The following ADGRL1 variants were observed in gnomAD, a reference collection of about 807,000 sequenced individuals.
The protein encoded by ADGRL1 is adhesion G protein-coupled receptor L1.
Under a neutral mutation model 148.9 loss-of-function variants are expected in ADGRL1, and 31 were observed. The observed-to-expected ratio is 0.21, with a 90% CI of 0.16 to 0.28. The LOEUF (loss-of-function observed/expected upper bound fraction) is 0.28. Ranked by LOEUF, ADGRL1 falls within the 10% of genes least tolerant of loss-of-function variation. ADGRL1 has a pLI of 1.00. For synonymous variants in ADGRL1, 937 were observed against 900.3 expected (o/e 1.04, Z -0.73); for missense variants, 1,521 against 2,058.8 (o/e 0.74, Z 5.05).
At position 14,159,062 on chromosome 19, in the gene ADGRL1, C is replaced by T. The variant is rs765501059; in HGVS notation, c.2149+28G>A. The T allele has an allele frequency of 2.0e-5, 32 of 1,612,044 alleles. No individual in the cohort carries two copies. In the South Asian group the frequency reaches 3.3e-4, roughly 17 times the overall value. ...GGGGGTGGGGGTGGGGCTGCTTCCC[C>T]ACCCGAGGCCCCGCCGGGGACACTG... is the stretch of plus-strand genomic sequence containing the variant. On this transcript the variant is annotated intron_variant, in intron 11 of 22. Transcript: ENST00000361434. This position sits in a 1 kb window ranked among gnomAD's most constrained non-coding sequence, Gnocchi z 6.0.
chr19:14,150,494 C>A lies in ADGRL1; in HGVS notation c.*379G>T. 1 of 203,098 alleles carries A rather than the reference C, an allele frequency of 4.9e-6. No individual in the cohort carries two copies. The highest frequency in any genetic ancestry group is 5.3e-5 in the Admixed American group (1 of 18,724). 12.6% of individuals were successfully genotyped at this position (203,098 alleles called of 1,614,324 possible). A position where few individuals can be genotyped will look rare whatever the true frequency, so the allele number is the denominator to read the frequency against. On this transcript the variant is annotated 3_prime_UTR_variant, in exon 23 of 23. Transcript: ENST00000361434. ...GGGCCTTTGGCAACCTCAGAAGCTG[C>A]CCCTCCCTGCCCAGGAAACTAAAGC...
chr19:14,158,260 A>G (rs1399852531), intron 12 of ADGRL1, 78 bp downstream of exon 12: 2 of 1,449,456 alleles, frequency 1.4e-6, no homozygotes, highest in East Asian at 2.3e-5. Flanking sequence ...AGGTGAGCAC[A>G]TGGAGGGGCA....
At chr19:14,197,756 C>T (rs34167867) in intron 1 of ADGRL1, among the ~76,000 whole-genome samples, 24,452 of 152,162 alleles carry the variant, frequency 0.16, 2,413 homozygotes, top group Non-Finnish European at 0.22. Flanking sequence ...GGGACTCTGA[C>T]GGGAAAGTAC....
chr19:14,165,379 G>A (rs142357053), intron 4 of ADGRL1, among the ~76,000 whole-genome samples: 71 of 152,340 alleles, frequency 4.7e-4, no homozygotes, highest in African/African-American at 6.5e-4. Flanking sequence ...GGCATCTGAG[G>A]GGACGTGTTT....
At chr19:14,167,301 G>A (rs1024267013) in intron 4 of ADGRL1, among the ~76,000 whole-genome samples, 1 of 151,918 alleles carries the variant, frequency 6.6e-6, no homozygotes, top group Non-Finnish European at 1.5e-5. Context: ...ACACAGGAGG[G>A]AGAAGACACA....
intron 2 of ADGRL1, among the ~76,000 whole-genome samples, chr19:14,181,797 G>A (rs567032843): frequency 6.6e-6 from 1 of 152,246 alleles, no homozygotes; most frequent in Non-Finnish European, 1.5e-5. Flanking sequence ...TCTGTAAAAT[G>A]AGCACCTACA....
At position 14,183,610 on chromosome 19, in the gene ADGRL1, G is replaced by A. The variant is rs1190657294; in HGVS notation, c.-8C>T. On this transcript the variant is annotated 5_prime_UTR_variant, in exon 2 of 23. Coordinates refer to ENST00000361434, the MANE Select transcript of ADGRL1 (RefSeq NM_014921.5). ...TGCGGCTAGGCGGGCCATGGTGGCAGCCGGGTGCGTGTCCGGAGCTCTCAG... is the reference window on the plus strand; with the variant it reads ...TGCGGCTAGGCGGGCCATGGTGGCAACCGGGTGCGTGTCCGGAGCTCTCAG... 6.4e-7 allele frequency: 1 copy of A among 1,568,106 alleles called. No homozygotes were observed. Among genetic ancestry groups the A allele is most frequent in the Non-Finnish European group, 8.6e-7 (1 of 1,156,146 alleles).
chr19:14,191,808 G>A (rs1457083872), intron 1 of ADGRL1, among the ~76,000 whole-genome samples: 3 of 151,334 alleles, frequency 2.0e-5, no homozygotes, highest in South Asian at 2.1e-4. Context: ...GGATCCTCCC[G>A]CCTCAGCCTC....
Position 14,152,467 on chromosome 19 carries a change from G to T in ADGRL1, c.3521-30C>A. 2 of 1,608,778 alleles carry T rather than the reference G, an allele frequency of 1.2e-6. No individual in the cohort carries two copies. The highest frequency in any genetic ancestry group is 1.1e-5 in the South Asian group (1 of 90,858). ...CCAAAGGATCAGAGGTCACAAGGCA[G>T]CCGGGAGCCTCCAGAGACTGAAGCC... On this transcript the variant is annotated intron_variant, in intron 20 of 22. Transcript: ENST00000361434. The surrounding 1 kb of genome is among the most constrained non-coding windows in gnomAD (Gnocchi z 6.1).
intron 3 of ADGRL1, among the ~76,000 whole-genome samples, chr19:14,173,353 C>T (rs1186751599): frequency 6.6e-6 from 1 of 152,090 alleles, no homozygotes; most frequent in Non-Finnish European, 1.5e-5. Context: ...GTCTCGACTT[C>T]CCGAAGTGCT....
intron 1 of ADGRL1, among the ~76,000 whole-genome samples, chr19:14,190,671 G>A (rs1274744799): frequency 3.9e-5 from 6 of 152,184 alleles, no homozygotes; most frequent in African/African-American, 9.7e-5. Context: ...CTGCTTCTAC[G>A]AGTTCAATTC....
intron 2 of ADGRL1, among the ~76,000 whole-genome samples, chr19:14,178,146 G>C (rs1317234664): frequency 1.3e-5 from 2 of 152,136 alleles, no homozygotes; most frequent in East Asian, 1.9e-4. Context: ...GGTCTTTATA[G>C]AGATAAATTC....
Position 14,161,156 on chromosome 19 carries a change from T to C in ADGRL1, c.1510+156A>G, listed in dbSNP as rs1223674548. 6.6e-6 allele frequency among the ~76,000 whole-genome samples: 1 copy of C among 152,198 alleles called. No homozygotes were observed. The highest frequency in any genetic ancestry group is 1.5e-5 in the Non-Finnish European group (1 of 68,022). On this transcript the variant is annotated intron_variant, in intron 6 of 22. Transcript: ENST00000361434. This position sits in a 1 kb window ranked among gnomAD's most constrained non-coding sequence, Gnocchi z 4.4. Reference sequence around the variant, plus strand: ...GGTGGGGCCAGGGGCACTGAGTGGCTCCTGTGCCCTGAGAGCTCTGCTGGT... The same window carrying C: ...GGTGGGGCCAGGGGCACTGAGTGGCCCCTGTGCCCTGAGAGCTCTGCTGGT...
In ADGRL1 at chr19:14,152,544, T is replaced by C; in HGVS notation, c.3493A>G (p.Ile1165Val). 1 of 1,614,074 alleles carries C rather than the reference T, an allele frequency of 6.2e-7. No homozygotes were observed. Among genetic ancestry groups the C allele is most frequent in the Non-Finnish European group, 8.5e-7 (1 of 1,179,960 alleles). ...QTESSFMAGD[I>V]NSTPTLNRGT... ...CGGTTCAGGGTGGGGGTGCTGTTGATGTCACCCGCCATGAAGGAGGACTCC... is the reference window on the plus strand; with the variant it reads ...CGGTTCAGGGTGGGGGTGCTGTTGACGTCACCCGCCATGAAGGAGGACTCC... Residue 1165 changes from isoleucine (I) to valine (V), a missense_variant, in exon 20 of 23, where the codon ATC (isoleucine) becomes GTC (valine). Ile to Val is a conservative substitution (Grantham distance 29). This residue lies in a region of ADGRL1 where 47 missense variants were observed against 64.6 expected (regional missense o/e 0.73). Coordinates refer to ENST00000361434, the MANE Select transcript of ADGRL1 (RefSeq NM_014921.5). The surrounding 1 kb of genome is among the most constrained non-coding windows in gnomAD (Gnocchi z 6.1).
rs759663693 is a variant in ADGRL1, at chr19:14,150,948, G to C, written c.4335C>G (p.Gly1445=). The C allele has an allele frequency of 9.3e-6, 15 of 1,609,572 alleles. No homozygotes were observed. The highest frequency in any genetic ancestry group is 1.3e-5 in the Non-Finnish European group (15 of 1,178,848). Residue 1445 remains glycine (G), a synonymous_variant, in exon 23 of 23, where the codon GGC becomes GGG. Transcript: ENST00000361434. ...YYQVRRPSHE[G]YLAAPGLEGP... ...CCTCAAGGCCTGGGGCTGCCAGGTA[G>C]CCCTCGTGGCTAGGACGCCGCACCT...
chr19:14,174,217 G>A (rs1004641328), intron 3 of ADGRL1, among the ~76,000 whole-genome samples: 1 of 152,008 alleles, frequency 6.6e-6, no homozygotes, highest in African/African-American at 2.4e-5. Flanking sequence ...AAGTCAGCAG[G>A]GAGAATTTGG....
intron 3 of ADGRL1, among the ~76,000 whole-genome samples, chr19:14,175,607 G>A (rs1970770796): frequency 6.7e-6 from 1 of 149,676 alleles, no homozygotes; most frequent in South Asian, 2.2e-4. Context: ...CACTCATACA[G>A]ACACACTCAG....
intron 4 of ADGRL1, chr19:14,169,243 C>G (rs989384582): frequency 6.6e-6 from 1 of 152,256 alleles, no homozygotes; most frequent in Non-Finnish European, 1.5e-5. Flanking sequence ...ACTTTGTGGC[C>G]GGCCCTGGGC....
At chr19:14,175,776 C>T (rs781523609) in intron 3 of ADGRL1, among the ~76,000 whole-genome samples, 38 of 152,266 alleles carry the variant, frequency 2.5e-4, no homozygotes, top group Non-Finnish European at 4.6e-4. Flanking sequence ...ACAGGCCAGG[C>T]GCAGTGGCTC....
Sources: gnomAD v4.1 joint callset for allele counts (sites outside exome capture counted in the v4.1 genomes callset) on GRCh38, gnomAD v4.1.1 for gene constraint, gnomAD v4.1.1 regional missense constraint, Gnocchi (gnomAD v3.1) non-coding constraint, MANE v1.5 for transcripts, NCBI Gene and HGNC (gene_info 2026-07-23, HGNC 2026-07-21) for gene names.